SLC28A3: variants seen among roughly 807,000 people sequenced by gnomAD.
SLC28A3 encodes the protein concentrative Na(+)-nucleoside cotransporter 3.
SLC28A3 carries 68 observed loss-of-function variants against 84.2 expected under a neutral mutation model. That is an observed-to-expected ratio of 0.81 (90% CI 0.66 to 0.99). SLC28A3 has a LOEUF of 0.99. Among genes scored for constraint, SLC28A3 ranks in the 50% least tolerant of loss-of-function variants. The probability of loss-of-function intolerance (pLI) is 0.00; values close to 1 mark genes in which losing one functional copy is unlikely to be tolerated. For synonymous variants in SLC28A3, 267 were observed against 303.6 expected (o/e 0.88, Z 1.25); for missense variants, 712 against 841.5 (o/e 0.85, Z 1.90).
At chr9:84,366,031 C>T in the SLC28A3 span, among the ~76,000 whole-genome samples, 1 of 152,058 alleles carries the variant, frequency 6.6e-6, no homozygotes, top group Non-Finnish European at 1.5e-5. Flanking sequence ...GCCTGGGCAA[C>T]ACGAGTGAAA....
chr9:84,292,782 A>G, intron 9 of SLC28A3, 34 bp from the exon 10 acceptor site: 1 of 1,477,940 alleles, frequency 6.8e-7, no homozygotes, highest in Admixed American at 2.4e-5. Flanking sequence ...TCAGCAAAGA[A>G]CTTTTTGTAT....
At chr9:84,278,366 C>T (rs1456683648) in intron 17 of SLC28A3, 22 bp from the exon 18 acceptor site, 4 of 1,613,480 alleles carry the variant, frequency 2.5e-6, no homozygotes, top group Non-Finnish European at 1.7e-6. Flanking sequence ...TGGAAAGAAA[C>T]AGTTACATGA....
the SLC28A3 span, among the ~76,000 whole-genome samples, chr9:84,363,364 T>C: frequency 6.6e-6 from 1 of 152,190 alleles, no homozygotes; most frequent in African/African-American, 2.4e-5. Flanking sequence ...GAATCAAGGA[T>C]CTGTATTCTT....
intron 4 of SLC28A3, among the ~76,000 whole-genome samples, chr9:84,303,731 G>T (rs1261597913): frequency 6.6e-6 from 1 of 152,174 alleles, no homozygotes; most frequent in African/African-American, 2.4e-5. Flanking sequence ...CACAGTGAGG[G>T]TTTTTGTGTT....
At position 84,279,962 on chromosome 9, in the gene SLC28A3, C is replaced by G. The variant is rs761780118; in HGVS notation, c.1828+13G>C. ...CCTGTGGGCACTGGGACACAAAGGACAGGGTGCGGTACCTGCGATGCAGGC... is the reference window on the plus strand; with the variant it reads ...CCTGTGGGCACTGGGACACAAAGGAGAGGGTGCGGTACCTGCGATGCAGGC... On this transcript the variant is annotated intron_variant, in intron 16 of 17. Coordinates refer to ENST00000376238, the MANE Select transcript of SLC28A3 (RefSeq NM_001199633.2). 1.2e-6 allele frequency: 2 copies of G among 1,612,768 alleles called. No homozygotes were observed. The highest frequency in any genetic ancestry group is 2.2e-5 in the South Asian group (2 of 90,910).
intron 9 of SLC28A3, among the ~76,000 whole-genome samples, chr9:84,293,462 C>T (rs930873279): frequency 3.9e-5 from 6 of 152,164 alleles, no homozygotes; most frequent in African/African-American, 1.4e-4. Flanking sequence ...TATTCTGGTT[C>T]CCTCTCTCTC....
the SLC28A3 span, among the ~76,000 whole-genome samples, chr9:84,359,737 C>T: frequency 2.6e-5 from 4 of 152,032 alleles, no homozygotes; most frequent in African/African-American, 7.2e-5. Context: ...TGGTGGCTCA[C>T]GGCTGTAATC....
At chr9:84,309,406 C>G (rs1825905648) in intron 3 of SLC28A3, among the ~76,000 whole-genome samples, 2 of 151,100 alleles carry the variant, frequency 1.3e-5, no homozygotes, top group Non-Finnish European at 2.9e-5. Context: ...GCCTGTAGTC[C>G]CAGCTACTCG....
intron 1 of SLC28A3, among the ~76,000 whole-genome samples, chr9:84,327,008 AAAAAAC>A (rs1260552324): frequency 2.6e-5 from 4 of 151,996 alleles, no homozygotes; most frequent in East Asian, 1.9e-4. Flanking sequence ...ATTCTGTCTC[AAAAAAC>A]AAAAACAAAA....
chr9:84,296,266 C>T (rs1445024219), intron 8 of SLC28A3, among the ~76,000 whole-genome samples: 1 of 152,114 alleles, frequency 6.6e-6, no homozygotes, highest in Non-Finnish European at 1.5e-5. Flanking sequence ...GTAGAGGTTG[C>T]TGGGGGAGGG....
chr9:84,299,736 G>A lies in SLC28A3; in HGVS notation c.525-11C>T. ...GAGCTCCAGATCACCCTAAGAGAAG[G>A]GGAAAGGAGGCATTGGCATCATTTG... On this transcript the variant is annotated splice_polypyrimidine_tract_variant and intron_variant, in intron 5 of 17. Coordinates refer to ENST00000376238, the MANE Select transcript of SLC28A3 (RefSeq NM_001199633.2). The A allele has an allele frequency of 6.4e-7, 1 of 1,566,744 alleles. No individual in the cohort carries two copies. Among genetic ancestry groups the A allele is most frequent in the East Asian group, 2.2e-5 (1 of 44,472 alleles).
At chr9:84,321,690 C>A (rs12348196) in intron 1 of SLC28A3, among the ~76,000 whole-genome samples, 1 of 138,374 alleles carries the variant, frequency 7.2e-6, no homozygotes, top group African/African-American at 2.7e-5. Context: ...GCTGAGATTG[C>A]GCCACTGCAC....
rs142332833 is a variant in SLC28A3, at chr9:84,325,799, G to A, written c.61-12345C>T. Among the ~76,000 whole-genome samples, 141 of 152,198 alleles carry A rather than the reference G, an allele frequency of 9.3e-4. 1 individual carries two copies. The highest frequency in any genetic ancestry group is 3.1e-3 in the African/African-American group (130 of 41,528). On this transcript the variant is annotated intron_variant, in intron 1 of 17. Coordinates refer to ENST00000376238, the MANE Select transcript of SLC28A3 (RefSeq NM_001199633.2). The stretch of plus-strand genomic sequence containing the variant: ...TCCCCTTCCTTTCTGAACACTGACC[G>A]GTGACTCCTTAGCCAGGTGACTCAC...
chr9:84,311,383 A>G (rs928472274), intron 2 of SLC28A3, among the ~76,000 whole-genome samples: 1 of 151,984 alleles, frequency 6.6e-6, no homozygotes, highest in African/African-American at 2.4e-5. Context: ...CCCACTATCA[A>G]ATGAACCCAG....
At chr9:84,320,046 T>TGTTTTTG (rs1372023054) in intron 1 of SLC28A3, among the ~76,000 whole-genome samples, 1 of 122,338 alleles carries the variant, frequency 8.2e-6, no homozygotes, top group African/African-American at 3.6e-5. Context: ...CACTGTTTTT[T>TGTTTTTG]TTTTTTTTTT....
intron 3 of SLC28A3, among the ~76,000 whole-genome samples, chr9:84,308,410 A>G (rs559247371): frequency 6.6e-6 from 1 of 151,524 alleles, no homozygotes; most frequent in South Asian, 2.1e-4. Flanking sequence ...GCCGGGCACG[A>G]TGGTGCATGC....
At chr9:84,337,819 C>A (rs1827035067) in intron 1 of SLC28A3, among the ~76,000 whole-genome samples, 1 of 152,068 alleles carries the variant, frequency 6.6e-6, no homozygotes, top group South Asian at 2.1e-4. Context: ...ACATTCATTT[C>A]TATCGTTGGT....
chr9:84,364,337 T>TCC, the SLC28A3 span, among the ~76,000 whole-genome samples: 1 of 152,016 alleles, frequency 6.6e-6, no homozygotes, highest in African/African-American at 2.4e-5. Context: ...TGGCAGGTGA[T>TCC]CCACTCACCT....
Position 84,277,420 on chromosome 9 carries a change from T to C in SLC28A3, c.*798A>G, listed in dbSNP as rs1340156371. On this transcript the variant is annotated 3_prime_UTR_variant, in exon 18 of 18. Coordinates refer to ENST00000376238, the MANE Select transcript of SLC28A3 (RefSeq NM_001199633.2). Reference sequence around the variant, plus strand: ...TTCCTAGCGGAAGATGAAAGAGCCATCATGTGGTTCCCACCTTTCTTTTCC... The same window carrying C: ...TTCCTAGCGGAAGATGAAAGAGCCACCATGTGGTTCCCACCTTTCTTTTCC... 6.6e-6 allele frequency: 1 copy of C among 152,262 alleles called. No individual in the cohort carries two copies. The allele number at this position is 152,262 out of a possible 1,614,324, so 9.4% of individuals were successfully genotyped here. A position where few individuals can be genotyped will look rare whatever the true frequency, so the allele number is the denominator to read the frequency against.
Sources: gnomAD v4.1 joint callset for allele counts (sites outside exome capture counted in the v4.1 genomes callset) on GRCh38, gnomAD v4.1.1 for gene constraint, MANE v1.5 for transcripts, NCBI Gene and HGNC (gene_info 2026-07-23, HGNC 2026-07-21) for gene names.